Variants in COL5A1 observed in about 807,000 individuals in gnomAD.
The protein encoded by COL5A1 is collagen alpha-1(V) chain.
In COL5A1, 16 loss-of-function variants were observed where a neutral mutation model predicts 263.7. The observed-to-expected ratio is 0.06, with a 90% CI of 0.04 to 0.09. The LOEUF is 0.09. COL5A1 is among the 10% of genes least tolerant of loss of function. COL5A1 has a pLI of 1.00. For synonymous variants in COL5A1, 1,012 were observed against 1,004.5 expected, an observed-to-expected ratio of 1.01 and a Z score of -0.14; for missense variants, 2,036 against 2,540.5, an observed-to-expected ratio of 0.80 and a Z score of 4.27.
chr9:134,642,232 G>A lies in COL5A1; in HGVS notation c.45G>A (p.Pro15=), dbSNP rs773860969. The A allele has an allele frequency of 5.4e-6, 7 of 1,296,022 alleles. No homozygotes were observed. In the South Asian group the frequency reaches 1.2e-4, roughly 21 times the overall value. 80.3% of individuals were successfully genotyped at this position (1,296,022 alleles called of 1,614,324 possible). A position where few individuals can be genotyped will look rare whatever the true frequency, so the allele number is the denominator to read the frequency against. ...TRWKARSALR[P]GAPLLPPLLL... ...GGAAAGCGCGCAGCGCGCTCCGCCC[G>A]GGCGCCCCGCTGCTGCCCCCGCTGC... Residue 15 remains proline (P), a synonymous_variant, in exon 1 of 66, where the codon CCG becomes CCA. Coordinates refer to ENST00000371817, the MANE Select transcript of COL5A1 (RefSeq NM_000093.5). This position sits in a 1 kb window ranked among gnomAD's most constrained non-coding sequence, Gnocchi z 4.5.
At chr9:134,666,012 G>A (rs1271420474) in intron 1 of COL5A1, among the ~76,000 whole-genome samples, 1 of 152,046 alleles carries the variant, frequency 6.6e-6, no homozygotes, top group African/African-American at 2.4e-5. Context: ...GCTTGAACCC[G>A]GGAGGCGGAG....
rs1465713291 is a variant in COL5A1, at chr9:134,762,118, G to T, written c.1989+140G>T. ...GGCCAGCTGGGAGAAGGCAGATGGG[G>T]ATTCCAGTGGGCAAAGCGATTGATC... On this transcript the variant is annotated intron_variant, in intron 19 of 65. Transcript: ENST00000371817. The T allele has an allele frequency of 3.6e-6, 3 of 833,528 alleles. No individual in the cohort carries two copies. The African/African-American group carries it at 5.0e-5, about 14-fold the overall frequency. The allele number at this position is 833,528 out of a possible 1,614,324, so 51.6% of individuals were successfully genotyped here. A position where few individuals can be genotyped will look rare whatever the true frequency, so the allele number is the denominator to read the frequency against.
chr9:134,803,043 T>C (rs1384045151), intron 39 of COL5A1, 48 bp downstream of exon 39: 1 of 1,454,044 alleles, frequency 6.9e-7, no homozygotes, highest in South Asian at 1.2e-5. Context: ...TCCTCAGGAA[T>C]CATTTTGGGA....
At chr9:134,705,260 G>A (rs1833799867) in intron 4 of COL5A1, among the ~76,000 whole-genome samples, 1 of 144,596 alleles carries the variant, frequency 6.9e-6, no homozygotes, top group Non-Finnish European at 1.5e-5. Context: ...AGACACATGT[G>A]TCTCCTGCAG....
Position 134,777,632 on chromosome 9 carries a change from G to A in COL5A1, c.2386-2470G>A, listed in dbSNP as rs1032043714. Among the ~76,000 whole-genome samples, 3 of 152,126 alleles carry A rather than the reference G, an allele frequency of 2.0e-5. No individual in the cohort carries two copies. The South Asian group carries it at 6.2e-4, about 31-fold the overall frequency. On this transcript the variant is annotated intron_variant, in intron 27 of 65. Coordinates refer to ENST00000371817, the MANE Select transcript of COL5A1 (RefSeq NM_000093.5). ...ATTCCTCCGATGGGGATCCTCAAACGGTAGAACTGTAGGACCGAGAGGGGT... is the reference window on the plus strand; with the variant it reads ...ATTCCTCCGATGGGGATCCTCAAACAGTAGAACTGTAGGACCGAGAGGGGT...
In COL5A1 at chr9:134,765,683, G is replaced by A; in HGVS notation, c.2037G>A (p.Gly679=). The A allele has an allele frequency of 6.2e-7, 1 of 1,613,578 alleles. No homozygotes were observed. Among genetic ancestry groups the A allele is most frequent in the South Asian group, 1.1e-5 (1 of 91,028 alleles). Residue 679 remains glycine (G), a splice_region_variant and synonymous_variant, in exon 21 of 66, where the codon GGG becomes GGA. Transcript: ENST00000371817. The surrounding 1 kb of genome is among the most constrained non-coding windows in gnomAD (Gnocchi z 5.1). ...VGPRGLPGEP[G]PRGLLGPKGP... is the part of the protein sequence containing the mutation. ...CTATTTTCCCTTTCCTCTTACAGGG[G>A]CCACGTGGTCTGCTTGGGCCGAAGG...
rs1485222045 is a variant in COL5A1, at chr9:134,677,523, C to T, written c.110-13389C>T. Among the ~76,000 whole-genome samples the T allele has an allele frequency of 3.3e-5, 5 of 152,110 alleles. No individual in the cohort carries two copies. The East Asian group carries it at 9.6e-4, about 29-fold the overall frequency. On this transcript the variant is annotated intron_variant, in intron 1 of 65. Transcript: ENST00000371817. The surrounding 1 kb of genome is among the most constrained non-coding windows in gnomAD (Gnocchi z 4.4). ...CAGGTTCGTGGAGCCAGGCTCTTGC[C>T]CCTGATGCTGAAATGATAGGAGGGT...
chr9:134,818,017 G>T lies in COL5A1; in HGVS notation c.4230+186G>T, dbSNP rs1838831379. On this transcript the variant is annotated intron_variant, in intron 54 of 65. Coordinates refer to ENST00000371817, the MANE Select transcript of COL5A1 (RefSeq NM_000093.5). This position sits in a 1 kb window ranked among gnomAD's most constrained non-coding sequence, Gnocchi z 6.0. ...TCTCTCTCAAGGAGGCAGCCAAGTG[G>T]TGGCCACAAGACTGGGGCCGTCTGC... 6.6e-6 allele frequency among the ~76,000 whole-genome samples: 1 copy of T among 152,236 alleles called. No individual in the cohort carries two copies. The highest frequency in any genetic ancestry group is 6.5e-5 in the Admixed American group (1 of 15,284).
intron 4 of COL5A1, among the ~76,000 whole-genome samples, chr9:134,712,049 C>CTTCCTGCCCCCTTCTTCCTGGTCCCCTTG: frequency 8.1e-6 from 1 of 122,754 alleles, no homozygotes; most frequent in African/African-American, 3.1e-5. Flanking sequence ...CTGCCCCCTT[C>CTTCCTGCCCCCTTCTTCCTGGTCCCCTTG]TTCCTTCCTC....
At position 134,716,506 on chromosome 9, in the gene COL5A1, G is replaced by A. The variant is rs1445389262; in HGVS notation, c.655-10760G>A. Reference sequence around the variant, plus strand: ...CAAGCGTGCACTGCCCAAGCCACAAGTGCAGGCCTTTGTGAGGTCACCACC... The same window carrying A: ...CAAGCGTGCACTGCCCAAGCCACAAATGCAGGCCTTTGTGAGGTCACCACC... On this transcript the variant is annotated intron_variant, in intron 4 of 65. Transcript: ENST00000371817. This position sits in a 1 kb window ranked among gnomAD's most constrained non-coding sequence, Gnocchi z 4.5. Among the ~76,000 whole-genome samples, 1 of 152,234 alleles carries A rather than the reference G, an allele frequency of 6.6e-6. No homozygotes were observed. The highest frequency in any genetic ancestry group is 1.5e-5 in the Non-Finnish European group (1 of 68,044).
rs1831514539 is a variant in COL5A1, at chr9:134,647,525, A to G, written c.109+5229A>G. Among the ~76,000 whole-genome samples the G allele has an allele frequency of 6.6e-6, 1 of 152,178 alleles. No homozygotes were observed. The highest frequency in any genetic ancestry group is 2.1e-4 in the South Asian group (1 of 4,824). Reference sequence around the variant, plus strand: ...TCCTTGCACATGTACCTGCGTTCACATGGGTGTCCCTGGCTGACTCCACGT... The same window carrying G: ...TCCTTGCACATGTACCTGCGTTCACGTGGGTGTCCCTGGCTGACTCCACGT... On this transcript the variant is annotated intron_variant, in intron 1 of 65. Coordinates refer to ENST00000371817, the MANE Select transcript of COL5A1 (RefSeq NM_000093.5). The surrounding 1 kb of genome is among the most constrained non-coding windows in gnomAD (Gnocchi z 5.0).
Position 134,696,963 on chromosome 9 carries a change from C to T in COL5A1, c.278-2946C>T, listed in dbSNP as rs1371594176. Among the ~76,000 whole-genome samples the T allele has an allele frequency of 2.0e-5, 3 of 151,752 alleles. No individual in the cohort carries two copies. The highest frequency in any genetic ancestry group is 4.8e-5 in the African/African-American group (2 of 41,284). On this transcript the variant is annotated intron_variant, in intron 2 of 65. Transcript: ENST00000371817. The surrounding 1 kb of genome is among the most constrained non-coding windows in gnomAD (Gnocchi z 4.3). ...GCGGGTGCCTGTAGTCCCAGCTACT[C>T]GGGAGGCTGAGGCAGGAGAATGGCG...
chr9:134,782,808 G>T, intron 29 of COL5A1, 88 bp downstream of exon 29: 1 of 1,277,468 alleles, frequency 7.8e-7, no homozygotes, highest in Non-Finnish European at 1.1e-6. Flanking sequence ...GCCGCCACAG[G>T]GCAGCTTCTC....
At position 134,823,488 on chromosome 9, in the gene COL5A1, C is replaced by T; in HGVS notation, c.4698+19C>T. ...CCCCCCGGTAAGTAGCCCTTGAAGC[C>T]CAGAAAGCGGGACGGGGGCTCTGGC... On this transcript the variant is annotated intron_variant, in intron 61 of 65. Transcript: ENST00000371817. The T allele has an allele frequency of 6.2e-7, 1 of 1,613,914 alleles. No individual in the cohort carries two copies. Among genetic ancestry groups the T allele is most frequent in the Non-Finnish European group, 8.5e-7 (1 of 1,179,784 alleles).
rs1207463860 is a variant in COL5A1 at position 134,761,056 on chromosome 9, C to T, written c.1936-869C>T. Reference sequence around the variant, plus strand: ...CACAGGCTCCACACATGCCCACACTCACACCCACATGCACACACATGCACA... The same window carrying T: ...CACAGGCTCCACACATGCCCACACTTACACCCACATGCACACACATGCACA... On this transcript the variant is annotated intron_variant, in intron 18 of 65. Transcript: ENST00000371817. 4.0e-5 allele frequency among the ~76,000 whole-genome samples: 6 copies of T among 150,506 alleles called. No homozygotes were observed. The South Asian group carries it at 1.3e-3, about 32-fold the overall frequency.
rs1394949033 is a variant in COL5A1, at chr9:134,812,493, G to A, written c.3735G>A (p.Val1245=). The change falls in exon 47 of 66, where the codon GTG becomes GTA. Residue 1245 remains valine (V), a synonymous_variant. Transcript: ENST00000371817. The part of the protein sequence containing the change: ...PPGEKGETGD[V]GQMGPPGPPG... ...GCGAGAAGGGTGAGACAGGAGACGT[G>A]GGCCAGATGGTAAGTGTGCCTGAGA... The A allele has an allele frequency of 6.2e-7, 1 of 1,614,130 alleles. No individual in the cohort carries two copies. Among genetic ancestry groups the A allele is most frequent in the African/African-American group, 1.3e-5 (1 of 75,038 alleles).
intron 32 of COL5A1, among the ~76,000 whole-genome samples, chr9:134,791,195 C>T (rs780948695): frequency 1.3e-5 from 2 of 152,362 alleles, no homozygotes; most frequent in South Asian, 2.1e-4. Flanking sequence ...AGCCTTTCTG[C>T]AGCCTCTGGG....
intron 1 of COL5A1, among the ~76,000 whole-genome samples, chr9:134,673,388 G>T (rs987737970): frequency 6.6e-6 from 1 of 150,836 alleles, no homozygotes; most frequent in African/African-American, 2.4e-5. Flanking sequence ...CCATAAAAGT[G>T]CTAAGATGCT....
intron 58 of COL5A1, among the ~76,000 whole-genome samples, chr9:134,820,586 C>A (rs999888408): frequency 6.6e-6 from 1 of 152,170 alleles, no homozygotes; most frequent in Non-Finnish European, 1.5e-5. Flanking sequence ...TGACAACCAG[C>A]CGTGTTTGCC....
Sources: gnomAD v4.1 joint callset for allele counts (sites outside exome capture counted in the v4.1 genomes callset) on GRCh38, gnomAD v4.1.1 for gene constraint, Gnocchi (gnomAD v3.1) non-coding constraint, MANE v1.5 for transcripts, NCBI Gene and HGNC (gene_info 2026-07-23, HGNC 2026-07-21) for gene names.